Variants in PRDM15 observed in about 807,000 individuals in gnomAD.
PRDM15 encodes the protein PR/SET domain 15, also known as PR domain zinc finger protein 15.
PRDM15 carries 64 observed loss-of-function variants against 128.6 expected under a neutral mutation model. The ratio of observed to expected loss-of-function variants is 0.50; its 90% CI spans 0.41 to 0.61. The LOEUF is 0.61. Ranked by LOEUF, PRDM15 falls within the 20% of genes least tolerant of loss-of-function variation. PRDM15 has a pLI of 0.00. For missense variants in PRDM15, 1,242 were observed against 1,569.1 expected, an observed-to-expected ratio of 0.79 and a Z score of 3.52; for synonymous variants, 615 against 621.8, an observed-to-expected ratio of 0.99 and a Z score of 0.16.
chr21:41,802,688 C>A, intron 23 of PRDM15, 24 bp downstream of exon 23: 1 of 1,605,544 alleles, frequency 6.2e-7, no homozygotes, highest in South Asian at 1.1e-5. Flanking sequence ...GGCACCTAAT[C>A]AGAACATAAA....
chr21:41,854,961 G>C lies in PRDM15; in HGVS notation c.286-143C>G, dbSNP rs1338349187. The stretch of plus-strand genomic sequence containing the variant: ...TAAGGGCTCCTGTACGGGATGTTGA[G>C]GTGTTTACAATAGTGAGGAGGGTCA... On this transcript the variant is annotated intron_variant, in intron 4 of 23. Coordinates refer to ENST00000398548, the MANE Select transcript of PRDM15 (RefSeq NM_001040424.3). This position sits in a 1 kb window ranked among gnomAD's most constrained non-coding sequence, Gnocchi z 4.6. 3 of 955,298 alleles carry C rather than the reference G, an allele frequency of 3.1e-6. No homozygotes were observed. The East Asian group carries it at 8.0e-5, about 25-fold the overall frequency. The allele number at this position is 955,298 out of a possible 1,614,324, so 59.2% of individuals were successfully genotyped here. A position where few individuals can be genotyped will look rare whatever the true frequency, so the allele number is the denominator to read the frequency against.
At chr21:41,876,798 G>C (rs2064433748) in intron 1 of PRDM15, among the ~76,000 whole-genome samples, 1 of 152,196 alleles carries the variant, frequency 6.6e-6, no homozygotes, top group Non-Finnish European at 1.5e-5. Flanking sequence ...CAGCAGGCCT[G>C]CCTGGCTCTG....
At chr21:41,865,477 A>G (rs1189200584) in intron 1 of PRDM15, among the ~76,000 whole-genome samples, 1 of 152,004 alleles carries the variant, frequency 6.6e-6, no homozygotes. Flanking sequence ...ACGTCTGATA[A>G]GAGAATCAGC....
In PRDM15 at chr21:41,854,835, C is replaced by T; in HGVS notation, c.286-17G>A. On this transcript the variant is annotated splice_polypyrimidine_tract_variant and intron_variant, in intron 4 of 23. Transcript: ENST00000398548. The surrounding 1 kb of genome is among the most constrained non-coding windows in gnomAD (Gnocchi z 4.6). ...CTGGAACACCTGAAGGTGAGTCGGC[C>T]CATGGAGAAGCCGGGGAAATGGCTG... is the stretch of plus-strand genomic sequence containing the variant. The T allele has an allele frequency of 1.3e-6, 2 of 1,588,804 alleles. No homozygotes were observed. The highest frequency in any genetic ancestry group is 1.7e-6 in the Non-Finnish European group (2 of 1,163,336).
chr21:41,867,332 G>A (rs1460162153), intron 1 of PRDM15: 2 of 1,613,782 alleles, frequency 1.2e-6, no homozygotes, highest in East Asian at 4.5e-5. Flanking sequence ...CAGGGCTGGG[G>A]GCAGATTTTC....
intron 6 of PRDM15, among the ~76,000 whole-genome samples, chr21:41,844,035 G>C (rs1304905382): frequency 6.7e-6 from 1 of 150,346 alleles, no homozygotes; most frequent in South Asian, 2.1e-4. Flanking sequence ...CAACTTGAAA[G>C]AAGAAGCAAA....
intron 21 of PRDM15, among the ~76,000 whole-genome samples, chr21:41,809,579 G>A (rs1353682418): frequency 2.6e-5 from 4 of 152,148 alleles, no homozygotes; most frequent in Admixed American, 6.5e-5. Flanking sequence ...AGTGCTTATG[G>A]AGTCAAACCT....
rs1037121403 is a variant in PRDM15, at chr21:41,799,127, T to C, written c.*2113A>G. On this transcript the variant is annotated 3_prime_UTR_variant, in exon 24 of 24. Coordinates refer to ENST00000398548, the MANE Select transcript of PRDM15 (RefSeq NM_001040424.3). ...CTTCTTTAAAAAAATAAAATTGTGA[T>C]TTCCAAGGCCTTTATTTTATAGGGA... The C allele has an allele frequency of 1.3e-5, 2 of 152,202 alleles. No individual in the cohort carries two copies. Among genetic ancestry groups the C allele is most frequent in the Non-Finnish European group, 2.9e-5 (2 of 68,038 alleles). The allele number at this position is 152,202 out of a possible 1,614,324, so 9.4% of individuals were successfully genotyped here. A position where few individuals can be genotyped will look rare whatever the true frequency, so the allele number is the denominator to read the frequency against.
chr21:41,839,575 G>C (rs746353467), intron 7 of PRDM15, 48 bp downstream of exon 7: 2 of 1,552,188 alleles, frequency 1.3e-6, no homozygotes, highest in Non-Finnish European at 1.8e-6. Context: ...CGGGCGCCAG[G>C]AGGGCTGCGC....
At position 41,862,979 on chromosome 21, in the gene PRDM15, G is replaced by T. The variant is rs577489945; in HGVS notation, c.-9-2607C>A. On this transcript the variant is annotated intron_variant, in intron 1 of 23. Coordinates refer to ENST00000398548, the MANE Select transcript of PRDM15 (RefSeq NM_001040424.3). This position sits in a 1 kb window ranked among gnomAD's most constrained non-coding sequence, Gnocchi z 4.1. ...AGGTCAGGAGTTCGAGACCAGCCTG[G>T]CCGACATGGTGAAACCCCATCTCTA... Among the ~76,000 whole-genome samples the T allele has an allele frequency of 6.4e-4, 98 of 152,196 alleles. No homozygotes were observed. The highest frequency in any genetic ancestry group is 2.2e-3 in the African/African-American group (93 of 41,530).
rs138992396 is a variant in PRDM15, at chr21:41,801,402, G to A, written c.3264C>T (p.Ile1088=). ...FINLTTLVNS[I]TPLGSQLSDQ... Reference sequence around the variant, plus strand: ...CACTAAGCTGGCTCCCCAGGGGCGTGATGGAGTTGACCAGGGTCGTCAGGT... The same window carrying A: ...CACTAAGCTGGCTCCCCAGGGGCGTAATGGAGTTGACCAGGGTCGTCAGGT... Residue 1088 remains isoleucine, a synonymous_variant, in exon 24 of 24, where the codon ATC becomes ATT. Transcript: ENST00000398548. 8.7e-5 allele frequency: 140 copies of A among 1,613,684 alleles called. No homozygotes were observed. Among genetic ancestry groups the A allele is most frequent in the Non-Finnish European group, 1.2e-4 (136 of 1,179,720 alleles).
intron 16 of PRDM15, among the ~76,000 whole-genome samples, chr21:41,820,792 G>A (rs62216234): frequency 3.9e-5 from 6 of 152,220 alleles, no homozygotes; most frequent in African/African-American, 1.4e-4. Context: ...AAAGCATTTT[G>A]GGTCATTCTG....
rs1479809630 is a variant in PRDM15 at position 41,799,512 on chromosome 21, G to C, written c.*1728C>G. On this transcript the variant is annotated 3_prime_UTR_variant, in exon 24 of 24. Transcript: ENST00000398548. ...TGAGAGCTAGGCGCGAGTGATGGTG[G>C]GTAAGGTGAGGAGGTGAGCCCCACA... is the stretch of plus-strand genomic sequence containing the variant. 6.6e-6 allele frequency: 1 copy of C among 152,194 alleles called. No individual in the cohort carries two copies. The highest frequency in any genetic ancestry group is 2.4e-5 in the African/African-American group (1 of 41,436). The allele number at this position is 152,194 out of a possible 1,614,324, so 9.4% of individuals were successfully genotyped here.
chr21:41,871,757 G>T, intron 1 of PRDM15: 3 of 979,880 alleles, frequency 3.1e-6, no homozygotes, highest in Non-Finnish European at 4.4e-6. Flanking sequence ...CTCCTTCCTG[G>T]ATGGTTGCTG....
intron 10 of PRDM15, 112 bp downstream of exon 10, chr21:41,836,001 C>T: frequency 1.7e-6 from 1 of 593,992 alleles, no homozygotes. Flanking sequence ...CAGCCCCCGC[C>T]CACTCTCCTC....
chr21:41,840,059 G>A (rs1408309988), intron 6 of PRDM15, among the ~76,000 whole-genome samples: 1 of 152,200 alleles, frequency 6.6e-6, no homozygotes. Context: ...GTAAAAGCAA[G>A]GGTAGGTTCA....
rs576754740 is a variant in PRDM15, at chr21:41,827,151, T to G, written c.1534+1015A>C. On this transcript the variant is annotated intron_variant, in intron 12 of 23. Transcript: ENST00000398548. Reference sequence around the variant, plus strand: ...ACCCAGTCACTAAGTGGAGTCCAGGTTTGATTCGAGAGGCCCTAAGTATAC... The same window carrying G: ...ACCCAGTCACTAAGTGGAGTCCAGGGTTGATTCGAGAGGCCCTAAGTATAC... 1.7e-4 allele frequency among the ~76,000 whole-genome samples: 26 copies of G among 152,262 alleles called. No individual in the cohort carries two copies. The South Asian group carries it at 3.5e-3, about 21-fold the overall frequency.
chr21:41,861,743 C>A (rs1374056405), intron 1 of PRDM15: 1 of 1,613,876 alleles, frequency 6.2e-7, no homozygotes, highest in Non-Finnish European at 8.5e-7. Flanking sequence ...AGTCACTGAA[C>A]TTGTGTGTCT....
rs142299793 is a variant in PRDM15 at position 41,834,208 on chromosome 21, C to T, written c.1366+1229G>A. 1.3e-4 allele frequency among the ~76,000 whole-genome samples: 19 copies of T among 149,350 alleles called. No individual in the cohort carries two copies. The East Asian group carries it at 2.8e-3, about 22-fold the overall frequency. ...ATTCCTGCCCCTCAGAACAGTCCAACCCCAGGAAGAAGGCATCAGGGAGGA... is the reference window on the plus strand; with the variant it reads ...ATTCCTGCCCCTCAGAACAGTCCAATCCCAGGAAGAAGGCATCAGGGAGGA... On this transcript the variant is annotated intron_variant, in intron 11 of 23. Coordinates refer to ENST00000398548, the MANE Select transcript of PRDM15 (RefSeq NM_001040424.3).
Sources: allele counts gnomAD v4.1 joint callset (sites outside exome capture counted in the v4.1 genomes callset), GRCh38; gene constraint gnomAD v4.1.1; non-coding constraint Gnocchi (gnomAD v3.1); transcripts MANE v1.5; gene names NCBI Gene and HGNC (gene_info 2026-07-23, HGNC 2026-07-21).